ARHGAP10: variants seen among roughly 807,000 people sequenced by gnomAD.
The protein encoded by ARHGAP10 is Rho GTPase activating protein 10.
Under a neutral mutation model 108.6 loss-of-function variants are expected in ARHGAP10, and 87 were observed. That is an observed-to-expected ratio of 0.80 (90% CI 0.67 to 0.96). The LOEUF is 0.96. ARHGAP10 is among the 40% of genes least tolerant of loss of function. ARHGAP10 has a pLI of 0.00. For missense variants in ARHGAP10, 939 were observed against 954.5 expected, an observed-to-expected ratio of 0.98 and a Z score of 0.21; for synonymous variants, 347 against 341.1, an observed-to-expected ratio of 1.02 and a Z score of -0.19.
intron 3 of ARHGAP10, among the ~76,000 whole-genome samples, chr4:147,844,457 C>G (rs1274882076): frequency 6.6e-6 from 1 of 152,006 alleles, no homozygotes; most frequent in Non-Finnish European, 1.5e-5. Context: ...TTTTTGTACC[C>G]ATTAACCATC....
intron 22 of ARHGAP10, among the ~76,000 whole-genome samples, chr4:148,068,310 G>C (rs944649311): frequency 7.9e-5 from 12 of 152,132 alleles, no homozygotes; most frequent in African/African-American, 2.2e-4. Context: ...ATGTAGATGT[G>C]GGGGAGCAGG....
chr4:147,965,069 T>C lies in ARHGAP10; in HGVS notation c.1496T>C (p.Val499Ala), dbSNP rs1739155158. 4 of 1,608,292 alleles carry C rather than the reference T, an allele frequency of 2.5e-6. No individual in the cohort carries two copies. The highest frequency in any genetic ancestry group is 2.5e-6 in the Non-Finnish European group (3 of 1,177,014). ...ESRVNAIHFL[V>A]HKLPEKNKEM... ...CGTGTTAATGCGATCCATTTCTTGG[T>C]ACACAAACTGCCAGAGAAGAATAAA... Residue 499 changes from valine to alanine, a missense_variant, in exon 17 of 23, where the codon GTA becomes GCA. Val to Ala is a moderately conservative substitution (Grantham distance 64). Transcript: ENST00000336498.
intron 19 of ARHGAP10, among the ~76,000 whole-genome samples, chr4:148,026,225 T>C (rs1741760755): frequency 6.6e-6 from 1 of 152,162 alleles, no homozygotes; most frequent in African/African-American, 2.4e-5. Flanking sequence ...AAACAGCCAG[T>C]CTTGGAACAC....
At chr4:148,007,458 G>A (rs778983915) in intron 18 of ARHGAP10, among the ~76,000 whole-genome samples, 13 of 152,312 alleles carry the variant, frequency 8.5e-5, no homozygotes, top group Admixed American at 2.0e-4. Context: ...GCTCAGTAGC[G>A]AGAAGTATGA....
chr4:147,904,861 G>C (rs1001399214), intron 10 of ARHGAP10, among the ~76,000 whole-genome samples: 1 of 152,112 alleles, frequency 6.6e-6, no homozygotes, highest in African/African-American at 2.4e-5. Flanking sequence ...GTGTAAAAGT[G>C]TTCCTATTTC....
intron 3 of ARHGAP10, among the ~76,000 whole-genome samples, chr4:147,830,445 A>G (rs60032318): frequency 0.034 from 5,056 of 149,462 alleles, 267 homozygotes; most frequent in African/African-American, 0.12. Context: ...GTTCCAAACT[A>G]TTAGGTTGGT....
chr4:147,979,347 G>A (rs879889751), intron 18 of ARHGAP10, among the ~76,000 whole-genome samples: 1 of 152,110 alleles, frequency 6.6e-6, no homozygotes, highest in Admixed American at 6.6e-5. Context: ...TGTGTCAAAG[G>A]TGACTTGGTT....
At chr4:147,783,712 ATTT>A (rs1412520221) in intron 1 of ARHGAP10, among the ~76,000 whole-genome samples, 184 of 146,876 alleles carry the variant, frequency 1.3e-3, no homozygotes, top group African/African-American at 4.4e-3. Context: ...GTATTGTATA[ATTT>A]ATAGAACACA....
At chr4:147,821,172 G>T (rs140175277) in intron 1 of ARHGAP10, among the ~76,000 whole-genome samples, 84 of 152,290 alleles carry the variant, frequency 5.5e-4, no homozygotes, top group African/African-American at 1.9e-3. Flanking sequence ...AGGACTGAGG[G>T]TTCCATGAGA....
At chr4:147,943,302 C>T (rs150907278) in intron 14 of ARHGAP10, among the ~76,000 whole-genome samples, 9 of 152,220 alleles carry the variant, frequency 5.9e-5, no homozygotes, top group Non-Finnish European at 1.0e-4. Context: ...CACATAAAAC[C>T]ACAGAAAACA....
intron 1 of ARHGAP10, among the ~76,000 whole-genome samples, chr4:147,802,468 T>C (rs1379373621): frequency 6.6e-6 from 1 of 152,252 alleles, no homozygotes; most frequent in Non-Finnish European, 1.5e-5. Flanking sequence ...GTACTGACTG[T>C]TTACTGGCTC....
intron 3 of ARHGAP10, among the ~76,000 whole-genome samples, chr4:147,834,752 A>G (rs978844433): frequency 9.3e-5 from 1 of 10,776 alleles, no homozygotes; most frequent in African/African-American, 3.7e-4. Flanking sequence ...ACCTGCCCCC[A>G]CCCTCACACC....
At chr4:147,871,018 G>T (rs1734800455) in intron 7 of ARHGAP10, among the ~76,000 whole-genome samples, 1 of 151,390 alleles carries the variant, frequency 6.6e-6, no homozygotes, top group South Asian at 2.1e-4. Context: ...GGAGTGCTGT[G>T]GCCCAGTCTC....
At chr4:147,801,055 C>G (rs2126760751) in intron 1 of ARHGAP10, among the ~76,000 whole-genome samples, 1 of 152,358 alleles carries the variant, frequency 6.6e-6, no homozygotes, top group East Asian at 1.9e-4. Context: ...ATCTGCCCAC[C>G]TCTGCATTTG....
At chr4:147,983,485 T>C (rs891601593) in intron 18 of ARHGAP10, among the ~76,000 whole-genome samples, 1 of 151,420 alleles carries the variant, frequency 6.6e-6, no homozygotes, top group African/African-American at 2.4e-5. Flanking sequence ...GCACTCGGCC[T>C]GTTCATTTTT....
chr4:147,997,131 C>A (rs145190850), intron 18 of ARHGAP10, among the ~76,000 whole-genome samples: 117 of 152,298 alleles, frequency 7.7e-4, no homozygotes, highest in Non-Finnish European at 1.5e-3. Flanking sequence ...GAAGTTGTCA[C>A]CCCTGGTGTA....
chr4:147,785,285 A>G (rs1013603567), intron 1 of ARHGAP10, among the ~76,000 whole-genome samples: 2 of 151,778 alleles, frequency 1.3e-5, no homozygotes, highest in African/African-American at 4.8e-5. Flanking sequence ...GTTGTGTTTT[A>G]TTTCTTCTGT....
rs374491026 is a variant in ARHGAP10 at position 148,059,204 on chromosome 4, T to C, written c.2028-3944T>C. 5.3e-5 allele frequency among the ~76,000 whole-genome samples: 8 copies of C among 152,230 alleles called. No homozygotes were observed. In the East Asian group the frequency reaches 1.3e-3, roughly 26 times the overall value. On this transcript the variant is annotated intron_variant, in intron 20 of 22. Transcript: ENST00000336498. ...GCCTTTTGCAGTGTAGTGTGTTAAGTTGGGAAGATAGCGAACAGATATTAG... is the reference window on the plus strand; with the variant it reads ...GCCTTTTGCAGTGTAGTGTGTTAAGCTGGGAAGATAGCGAACAGATATTAG...
At chr4:147,755,401 G>C (rs1364222864) in intron 1 of ARHGAP10, among the ~76,000 whole-genome samples, 1 of 151,692 alleles carries the variant, frequency 6.6e-6, no homozygotes, top group Admixed American at 6.6e-5. Flanking sequence ...AAACAGGAAG[G>C]GACCCTAGCT....
Sources: allele counts gnomAD v4.1 joint callset (sites outside exome capture counted in the v4.1 genomes callset), GRCh38; gene constraint gnomAD v4.1.1; transcripts MANE v1.5; gene names NCBI Gene and HGNC (gene_info 2026-07-23, HGNC 2026-07-21).